AP3M1: variants seen among roughly 807,000 people sequenced by gnomAD.
The protein encoded by AP3M1 is AP-3 complex subunit mu-1.
AP3M1 carries 29 observed loss-of-function variants against 42.6 expected under a neutral mutation model. The ratio of observed to expected loss-of-function variants is 0.68; its 90% CI spans 0.51 to 0.93. AP3M1 has a LOEUF of 0.93. Ranked by LOEUF, AP3M1 falls within the 40% of genes least tolerant of loss-of-function variation. The probability of loss-of-function intolerance (pLI) is 0.00; values close to 1 mark genes in which losing one functional copy is unlikely to be tolerated. For missense variants in AP3M1, 416 were observed against 510.2 expected (o/e 0.82, Z 1.78); for synonymous variants, 178 against 175.3 (o/e 1.02, Z -0.12).
intron 8 of AP3M1, 46 bp downstream of exon 8, chr10:74,124,334 T>C: frequency 6.4e-7 from 1 of 1,564,134 alleles, no homozygotes. Context: ...ATAAATGAGC[T>C]TGCAAAACTC....
chr10:74,126,465 T>A, intron 6 of AP3M1, 110 bp from the exon 7 acceptor site: 1 of 759,236 alleles, frequency 1.3e-6, no homozygotes, highest in Non-Finnish European at 2.2e-6. Context: ...ACCCTGCCTT[T>A]AACTCCACAA....
At chr10:74,146,017 T>G (rs144442229) in intron 1 of AP3M1, among the ~76,000 whole-genome samples, 1,596 of 152,302 alleles carry the variant, frequency 0.01, 28 homozygotes, top group African/African-American at 0.037. Flanking sequence ...AGGCACTGGG[T>G]ATATAAGAAC....
chr10:74,128,540 C>T (rs900396242), intron 6 of AP3M1, among the ~76,000 whole-genome samples: 2 of 152,036 alleles, frequency 1.3e-5, no homozygotes, highest in Non-Finnish European at 2.9e-5. Context: ...CACCCGGCCC[C>T]TCAATGCTAA....
chr10:74,135,602 ATATT>A (rs1442087717), intron 3 of AP3M1, among the ~76,000 whole-genome samples: 2 of 152,182 alleles, frequency 1.3e-5, no homozygotes, highest in Admixed American at 6.5e-5. Context: ...GTCGGAGTGA[ATATT>A]TATATATAAG....
At chr10:74,140,974 C>T (rs1841127727) in intron 1 of AP3M1, among the ~76,000 whole-genome samples, 1 of 152,024 alleles carries the variant, frequency 6.6e-6, no homozygotes, top group Non-Finnish European at 1.5e-5. Flanking sequence ...TTTTAAGATA[C>T]GATACCAAAA....
At chr10:74,147,599 T>A (rs146991447) in intron 1 of AP3M1, among the ~76,000 whole-genome samples, 91 of 152,394 alleles carry the variant, frequency 6.0e-4, no homozygotes, top group African/African-American at 2.0e-3. Flanking sequence ...ATTTGTGCTT[T>A]ACACATAAAA....
intron 6 of AP3M1, among the ~76,000 whole-genome samples, chr10:74,128,244 A>T (rs1434057570): frequency 8.9e-5 from 13 of 145,498 alleles, no homozygotes; most frequent in Admixed American, 3.4e-4. Context: ...CCAATGCTAA[A>T]TTTTTTTTTT....
At position 74,124,289 on chromosome 10, in the gene AP3M1, G is replaced by A. The variant is rs1488363649; in HGVS notation, c.1156+91C>T. 4.7e-6 allele frequency: 7 copies of A among 1,474,864 alleles called. No homozygotes were observed. In the African/African-American group the frequency reaches 8.5e-5, roughly 18 times the overall value. The allele number at this position is 1,474,864 out of a possible 1,614,324, so 91.4% of individuals were successfully genotyped here. A position where few individuals can be genotyped will look rare whatever the true frequency, so the allele number is the denominator to read the frequency against. On this transcript the variant is annotated intron_variant, in intron 8 of 8. Transcript: ENST00000355264. ...GGCAAATGGGCTACTGCTCTTTCTA[G>A]AGAAGGAAACTTTTGTTACTCTTCT...
At chr10:74,142,790 C>A (rs142290001) in intron 1 of AP3M1, among the ~76,000 whole-genome samples, 2 of 152,256 alleles carry the variant, frequency 1.3e-5, no homozygotes, top group East Asian at 3.9e-4. Flanking sequence ...CTATATAGAA[C>A]CTGCTGATTT....
Position 74,138,153 on chromosome 10 carries a change from G to T in AP3M1, c.227C>A (p.Pro76His). ...FVSVIQTEVP[P>H]LFVIEFLHRV... ...ATGTAGGAACTCAATTACAAAGAGA[G>T]GTGGCACTTCGGTCTGTATGACAGA... Residue 76 changes from proline (P) to histidine (H), a missense_variant, in exon 2 of 9, where the codon CCT (proline) becomes CAT (histidine). Pro to His is a moderately conservative substitution (Grantham distance 77). Transcript: ENST00000355264. 6.2e-7 allele frequency: 1 copy of T among 1,614,112 alleles called. No individual in the cohort carries two copies. The highest frequency in any genetic ancestry group is 1.1e-5 in the South Asian group (1 of 91,078).
chr10:74,131,292 C>T (rs1451149549), intron 4 of AP3M1, among the ~76,000 whole-genome samples: 6 of 151,488 alleles, frequency 4.0e-5, no homozygotes, highest in African/African-American at 1.2e-4. Flanking sequence ...CTCAGTCTCT[C>T]GAGTAGCTGG....
chr10:74,123,865 G>T lies in AP3M1; in HGVS notation c.1202C>A (p.Pro401Gln). The change falls in exon 9 of 9, where the codon CCA becomes CAA. Residue 401 changes from proline (P) to glutamine (Q), a missense_variant. Pro to Gln is a moderately conservative substitution (Grantham distance 76). Coordinates refer to ENST00000355264, the MANE Select transcript of AP3M1 (RefSeq NM_012095.6). Reference protein sequence around the residue: ...RLDMYGEKYKPFKGVKYVTKA... With the variant: ...RLDMYGEKYKQFKGVKYVTKA... ...CGTGACGTATTTGACTCCTTTAAATGGCTTATATTTCTCCCCATACATGTC... is the reference window on the plus strand; with the variant it reads ...CGTGACGTATTTGACTCCTTTAAATTGCTTATATTTCTCCCCATACATGTC... The T allele has an allele frequency of 6.2e-7, 1 of 1,614,046 alleles. No individual in the cohort carries two copies.
chr10:74,141,665 G>A (rs1027220410), intron 1 of AP3M1, among the ~76,000 whole-genome samples: 1 of 151,874 alleles, frequency 6.6e-6, no homozygotes, highest in Non-Finnish European at 1.5e-5. Flanking sequence ...GAGGGCCATG[G>A]GGATGATCTC....
rs1440935313 is a variant in AP3M1 at position 74,127,003 on chromosome 10, T to TA, written c.804-649dup. Among the ~76,000 whole-genome samples, 742 of 78,446 alleles carry TA rather than the reference T, an allele frequency of 9.5e-3. 5 individuals carry two copies. The highest frequency in any genetic ancestry group is 0.013 in the Non-Finnish European group (506 of 38,570). The allele number at this position is 78,446 out of a possible 152,430, so 51.5% of individuals were successfully genotyped here. The stretch of plus-strand genomic sequence containing the variant: ...AAAAAAAAAAAAAAAAAAAAAAAAG[T>TA]AAAAAATAACAATATAACTACAATA... On this transcript the variant is annotated intron_variant, in intron 6 of 8. Transcript: ENST00000355264.
intron 1 of AP3M1, among the ~76,000 whole-genome samples, chr10:74,141,782 G>A (rs1218444466): frequency 1.2e-4 from 18 of 147,190 alleles, no homozygotes; most frequent in African/African-American, 4.0e-4. Context: ...GTGTTATCTC[G>A]GCTCACTGAA....
intron 6 of AP3M1, among the ~76,000 whole-genome samples, chr10:74,128,511 T>C (rs1417667037): frequency 6.6e-6 from 1 of 152,060 alleles, no homozygotes; most frequent in African/African-American, 2.4e-5. Context: ...AGTGTTGGGA[T>C]TACAGGAGTG....
At chr10:74,142,744 G>T (rs903489257) in intron 1 of AP3M1, among the ~76,000 whole-genome samples, 4 of 152,056 alleles carry the variant, frequency 2.6e-5, no homozygotes, top group Non-Finnish European at 4.4e-5. Context: ...TTCTGTCTGG[G>T]TATTAATATA....
At chr10:74,148,413 T>C (rs561241672) in intron 1 of AP3M1, among the ~76,000 whole-genome samples, 29 of 152,326 alleles carry the variant, frequency 1.9e-4, no homozygotes, top group African/African-American at 6.7e-4. Flanking sequence ...CTCTGTGTAA[T>C]GGGAGAGAGG....
chr10:74,136,044 C>A (rs1840929854), intron 3 of AP3M1, among the ~76,000 whole-genome samples: 1 of 152,202 alleles, frequency 6.6e-6, no homozygotes, highest in Non-Finnish European at 1.5e-5. Context: ...TAATTTCTAG[C>A]TACACTCAAG....
Sources: gnomAD v4.1 joint callset for allele counts (sites outside exome capture counted in the v4.1 genomes callset) on GRCh38, gnomAD v4.1.1 for gene constraint, MANE v1.5 for transcripts, NCBI Gene and HGNC (gene_info 2026-07-23, HGNC 2026-07-21) for gene names.